Variants in WASL observed in about 807,000 individuals in gnomAD.
WASL encodes WASP like actin nucleation promoting factor.
Under a neutral mutation model 55.5 loss-of-function variants are expected in WASL, and 20 were observed. The ratio of observed to expected loss-of-function variants is 0.36; its 90% CI spans 0.25 to 0.52. The LOEUF (loss-of-function observed/expected upper bound fraction) is 0.52, where lower values mean the gene tolerates loss of function less well. WASL is among the 20% of genes least tolerant of loss of function. The probability of loss-of-function intolerance (pLI) is 0.92; values close to 1 mark genes in which losing one functional copy is unlikely to be tolerated. For missense variants in WASL, 504 were observed against 622.5 expected (o/e 0.81, Z 2.03); for synonymous variants, 249 against 217.6 (o/e 1.14, Z -1.27).
intron 5 of WASL, among the ~76,000 whole-genome samples, chr7:123,703,612 G>T (rs567092818): frequency 6.6e-6 from 1 of 152,092 alleles, no homozygotes; most frequent in South Asian, 2.1e-4. Flanking sequence ...TAATAATAAG[G>T]TAAACAACCC....
intron 2 of WASL, among the ~76,000 whole-genome samples, chr7:123,708,402 CATTGCACT>C (rs1250400706): frequency 6.6e-6 from 1 of 152,098 alleles, no homozygotes; most frequent in African/African-American, 2.4e-5. Context: ...ATTAAAATCT[CATTGCACT>C]TATTGCCACA....
chr7:123,704,652 T>C lies in WASL; in HGVS notation c.442A>G (p.Arg148Gly), dbSNP rs755410830. Residue 148 changes from arginine (R) to glycine (G), a missense_variant, in exon 5 of 11, where the codon AGA (arginine) becomes GGA (glycine). Transcript: ENST00000223023. ...AGCTTACCATTTGGGGGATCTCGTC[T>C]TTTCTCTGTTAGAAAATAAATTAGA... ...LGRRQRKSEK[R>G]RDPPNGPNLP... The C allele has an allele frequency of 6.7e-7, 1 of 1,490,760 alleles. No individual in the cohort carries two copies. Among genetic ancestry groups the C allele is most frequent in the South Asian group, 1.2e-5 (1 of 80,712 alleles). The allele number at this position is 1,490,760 out of a possible 1,614,324, so 92.3% of individuals were successfully genotyped here.
chr7:123,692,964 A>C, intron 8 of WASL, 97 bp from the exon 9 acceptor site: 1 of 1,295,836 alleles, frequency 7.7e-7, no homozygotes. Context: ...AAATTGAATA[A>C]TACCAAAAAA....
At position 123,748,872 on chromosome 7, in the gene WASL, G is replaced by A. The variant is rs1804495446; in HGVS notation, c.-138C>T. On this transcript the variant is annotated 5_prime_UTR_variant, in exon 1 of 11. Coordinates refer to ENST00000223023, the MANE Select transcript of WASL (RefSeq NM_003941.4). ...TCTCGCAGCTCCTCCGGAGCGGGGA[G>A]GAGGACGAGGTCGAGGGAAGCAGGC... The A allele has an allele frequency of 1.4e-6, 1 of 698,572 alleles. No homozygotes were observed. 43.3% of individuals were successfully genotyped at this position (698,572 alleles called of 1,614,324 possible). A position where few individuals can be genotyped will look rare whatever the true frequency, so the allele number is the denominator to read the frequency against.
intron 2 of WASL, 107 bp from the exon 3 acceptor site, chr7:123,706,933 T>G: frequency 1.8e-6 from 1 of 562,008 alleles, no homozygotes; most frequent in Non-Finnish European, 3.0e-6. Context: ...TAAAAATAAC[T>G]TTTAATGCAC....
intron 5 of WASL, among the ~76,000 whole-genome samples, chr7:123,700,614 T>C (rs1803572916): frequency 6.6e-6 from 1 of 152,060 alleles, no homozygotes; most frequent in Non-Finnish European, 1.5e-5. Flanking sequence ...TAATTTTTCA[T>C]ATTTTAGTAG....
chr7:123,684,607 C>T lies in WASL; in HGVS notation c.1457-27G>A, dbSNP rs751598616. The stretch of plus-strand genomic sequence containing the variant: ...TACAAGAAAATCAAGACAATTAAAA[C>T]ATATGCATAAATAAAATGACATTAC... On this transcript the variant is annotated intron_variant, in intron 10 of 10. Coordinates refer to ENST00000223023, the MANE Select transcript of WASL (RefSeq NM_003941.4). 3 of 1,493,728 alleles carry T rather than the reference C, an allele frequency of 2.0e-6. No individual in the cohort carries two copies. In the South Asian group the frequency reaches 3.9e-5, roughly 19 times the overall value. 92.5% of individuals were successfully genotyped at this position (1,493,728 alleles called of 1,614,324 possible).
At chr7:123,705,541 T>C (rs1353751065) in intron 4 of WASL, among the ~76,000 whole-genome samples, 2 of 152,136 alleles carry the variant, frequency 1.3e-5, no homozygotes, top group Admixed American at 6.6e-5. Flanking sequence ...TGAAAGCACA[T>C]GTTCTTTCTT....
chr7:123,715,878 T>C (rs1040023718), intron 1 of WASL, among the ~76,000 whole-genome samples: 1 of 152,218 alleles, frequency 6.6e-6, no homozygotes, highest in African/African-American at 2.4e-5. Flanking sequence ...TCTTACTGTA[T>C]TCTCAACTTT....
intron 1 of WASL, among the ~76,000 whole-genome samples, chr7:123,746,069 C>G (rs1804425807): frequency 1.3e-5 from 2 of 152,142 alleles, no homozygotes; most frequent in South Asian, 4.1e-4. Context: ...ATAGGAAGCT[C>G]AAGAAACTTG....
chr7:123,692,706 G>A lies in WASL; in HGVS notation c.988C>T (p.Pro330Ser). ...GGTGGTGGAGGGACTGCTACACTTGGCCTGGAAGGAGGCGGTGGTGGAGGT... is the reference window on the plus strand; with the variant it reads ...GGTGGTGGAGGGACTGCTACACTTGACCTGGAAGGAGGCGGTGGTGGAGGT... ...AAPPPPPPSR[P>S]SVAVPPPPPN... The change falls in exon 9 of 11, where the codon CCA becomes TCA. Residue 330 changes from proline to serine, a missense_variant. Pro to Ser is a moderately conservative substitution (Grantham distance 74). Around this residue, in one of 5 missense-constraint regions of WASL, gnomAD observed 201 missense variants for 206.2 expected, o/e 0.97. Coordinates refer to ENST00000223023, the MANE Select transcript of WASL (RefSeq NM_003941.4). The A allele has an allele frequency of 6.6e-7, 1 of 1,519,208 alleles. No homozygotes were observed. The highest frequency in any genetic ancestry group is 8.8e-7 in the Non-Finnish European group (1 of 1,135,990). The allele number at this position is 1,519,208 out of a possible 1,614,324, so 94.1% of individuals were successfully genotyped here. A position where few individuals can be genotyped will look rare whatever the true frequency, so the allele number is the denominator to read the frequency against.
At chr7:123,709,049 C>A in intron 2 of WASL, 40 bp downstream of exon 2, 4 of 1,536,134 alleles carry the variant, frequency 2.6e-6, no homozygotes, top group South Asian at 2.6e-5. Flanking sequence ...TATAGAAAAC[C>A]TAATCACCTA....
chr7:123,711,285 CA>C (rs372795815), intron 1 of WASL, among the ~76,000 whole-genome samples: 6 of 149,844 alleles, frequency 4.0e-5, no homozygotes, highest in East Asian at 3.9e-4. Flanking sequence ...CAAAACAAAA[CA>C]AAAAAAAACC....
chr7:123,748,746 C>G lies in WASL; in HGVS notation c.-12G>C. 6.4e-7 allele frequency: 1 copy of G among 1,567,598 alleles called. No individual in the cohort carries two copies. Among genetic ancestry groups the G allele is most frequent in the Non-Finnish European group, 8.6e-7 (1 of 1,158,756 alleles). On this transcript the variant is annotated 5_prime_UTR_variant, in exon 1 of 11. Coordinates refer to ENST00000223023, the MANE Select transcript of WASL (RefSeq NM_003941.4). ...TGGACGGAGCTCATGGTTTCGCCGG[C>G]GGGGTTGGGAGTCCAGGGCCGTCTC...
chr7:123,746,951 T>G (rs1313446218), intron 1 of WASL, among the ~76,000 whole-genome samples: 1 of 152,228 alleles, frequency 6.6e-6, no homozygotes, highest in Non-Finnish European at 1.5e-5. Flanking sequence ...AACTGAATTT[T>G]TTTCATTGGA....
At chr7:123,748,523 C>A (rs1804481719) in intron 1 of WASL, 95 bp downstream of exon 1, 1 of 1,371,288 alleles carries the variant, frequency 7.3e-7, no homozygotes, top group Non-Finnish European at 1.0e-6. Flanking sequence ...TGGCCCGCGC[C>A]GCTCCCGCCT....
rs1450931729 is a variant in WASL, at chr7:123,695,814, C to T, written c.672+9G>A. 6.2e-7 allele frequency: 1 copy of T among 1,611,854 alleles called. No homozygotes were observed. Among genetic ancestry groups the T allele is most frequent in the South Asian group, 1.1e-5 (1 of 90,920 alleles). On this transcript the variant is annotated intron_variant, in intron 7 of 10. Coordinates refer to ENST00000223023, the MANE Select transcript of WASL (RefSeq NM_003941.4). Reference sequence around the variant, plus strand: ...AGTTATAACGTATATGATTTGAAAACATACTTACATCAAAGCCTGTATTTG... The same window carrying T: ...AGTTATAACGTATATGATTTGAAAATATACTTACATCAAAGCCTGTATTTG...
chr7:123,737,326 G>A lies in WASL; in HGVS notation c.117+11292C>T, dbSNP rs552773256. ...TAAAAGCAGCATTTCAGACAGGCGC[G>A]GTGGCTCACGCCTGTAATCCCAGCA... On this transcript the variant is annotated intron_variant, in intron 1 of 10. Transcript: ENST00000223023. Among the ~76,000 whole-genome samples the A allele has an allele frequency of 5.3e-4, 81 of 152,208 alleles. 1 individual carries two copies. The highest frequency in any genetic ancestry group is 1.8e-3 in the African/African-American group (75 of 41,544).
intron 1 of WASL, among the ~76,000 whole-genome samples, chr7:123,732,769 A>G (rs1035782494): frequency 6.6e-6 from 1 of 152,212 alleles, no homozygotes; most frequent in Admixed American, 6.5e-5. Flanking sequence ...TCTCTCATGA[A>G]CAAAGATGGA....
Sources: gnomAD v4.1 joint callset for allele counts (sites outside exome capture counted in the v4.1 genomes callset) on GRCh38, gnomAD v4.1.1 for gene constraint, gnomAD v4.1.1 regional missense constraint, MANE v1.5 for transcripts, NCBI Gene and HGNC (gene_info 2026-07-23, HGNC 2026-07-21) for gene names.